The following DACH2 variants were observed in gnomAD, a reference collection of about 807,000 sequenced individuals.
The protein encoded by DACH2 is dachshund family transcription factor 2.
DACH2 carries 17 observed loss-of-function variants against 35.8 expected under a neutral mutation model. The ratio of observed to expected loss-of-function variants is 0.48; its 90% CI spans 0.33 to 0.71. DACH2 has a LOEUF of 0.71. Among genes scored for constraint, DACH2 ranks in the 30% least tolerant of loss-of-function variants. The pLI, the probability that DACH2 is intolerant of heterozygous loss-of-function variation, is 0.02. For synonymous variants in DACH2, 195 were observed against 177.3 expected, an observed-to-expected ratio of 1.10 and a Z score of -0.79; for missense variants, 469 against 472.7, an observed-to-expected ratio of 0.99 and a Z score of 0.07.
intron 1 of DACH2, among the ~76,000 whole-genome samples, chrX:86,209,918 C>T (rs535947263): frequency 6.2e-4 from 69 of 111,703 alleles, no homozygotes; most frequent in South Asian, 1.5e-3. Flanking sequence ...AGAAGATGAT[C>T]TCAGCATTCA....
At chrX:86,610,575 T>G (rs929539905) in intron 3 of DACH2, among the ~76,000 whole-genome samples, 24 of 109,018 alleles carry the variant, frequency 2.2e-4, no homozygotes, top group Non-Finnish European at 7.6e-5. Flanking sequence ...TAGCTGGGAC[T>G]ACAGGTTGTG....
At chrX:86,776,068 T>G (rs1256670339) in intron 7 of DACH2, among the ~76,000 whole-genome samples, 2 of 111,497 alleles carry the variant, frequency 1.8e-5, no homozygotes, top group Non-Finnish European at 3.8e-5. Context: ...TTTTCCAGAC[T>G]ATCTGTCATA....
At position 86,759,513 on chromosome X, in the gene DACH2, A is replaced by G. The variant is rs143510591; in HGVS notation, c.1240+19631A>G. On this transcript the variant is annotated intron_variant, in intron 7 of 11. Transcript: ENST00000373125. ...TTACTTTTAGTCTGTGTATGTGTTT[A>G]CAGGTGAGATGAGTTTCTCATAGGC... is the stretch of plus-strand genomic sequence containing the variant. Among the ~76,000 whole-genome samples, 12 of 108,104 alleles carry G rather than the reference A, an allele frequency of 1.1e-4. No homozygotes were observed. In the East Asian group the frequency reaches 3.2e-3, roughly 29 times the overall value. The allele number at this position is 108,104 out of a possible 115,157, so 93.9% of individuals were successfully genotyped here. A position where few individuals can be genotyped will look rare whatever the true frequency, so the allele number is the denominator to read the frequency against.
At chrX:86,686,256 C>T (rs772706498) in intron 4 of DACH2, among the ~76,000 whole-genome samples, 23 of 110,358 alleles carry the variant, frequency 2.1e-4, no homozygotes, top group Non-Finnish European at 3.0e-4. Flanking sequence ...TTTTTTGAGA[C>T]GGAGTCTCAC....
chrX:86,606,558 A>T (rs1441000549), intron 3 of DACH2, among the ~76,000 whole-genome samples: 1 of 111,015 alleles, frequency 9.0e-6, no homozygotes, highest in Non-Finnish European at 1.9e-5. Flanking sequence ...AAGATACTTG[A>T]TATTATTACA....
intron 1 of DACH2, among the ~76,000 whole-genome samples, chrX:86,261,357 T>C (rs2033621355): frequency 8.9e-6 from 1 of 111,768 alleles, no homozygotes; most frequent in Non-Finnish European, 1.9e-5. Context: ...TAGTGAAAAA[T>C]AAAGTCATAG....
chrX:86,338,529 G>T (rs971714640), intron 1 of DACH2, among the ~76,000 whole-genome samples: 5 of 111,967 alleles, frequency 4.5e-5, no homozygotes, highest in African/African-American at 1.6e-4. Flanking sequence ...TGAGAACAAA[G>T]ACACAACATA....
chrX:86,176,627 A>T (rs963510422), intron 1 of DACH2, among the ~76,000 whole-genome samples: 4 of 111,915 alleles, frequency 3.6e-5, no homozygotes, highest in Non-Finnish European at 7.5e-5. Flanking sequence ...GTTGGAATTA[A>T]GAACTCTGAG....
chrX:86,303,184 G>A (rs1344987016), intron 1 of DACH2, among the ~76,000 whole-genome samples: 1 of 106,544 alleles, frequency 9.4e-6, no homozygotes, highest in African/African-American at 3.4e-5. Context: ...GGAATCAGGA[G>A]ACTTGAATTT....
chrX:86,525,849 T>C (rs763919534), intron 3 of DACH2, among the ~76,000 whole-genome samples: 4 of 111,572 alleles, frequency 3.6e-5, no homozygotes, highest in African/African-American at 6.5e-5. Context: ...GTCTATTGGA[T>C]TATAAAAAGA....
chrX:86,316,991 G>T (rs1333412537), intron 1 of DACH2, among the ~76,000 whole-genome samples: 1 of 109,197 alleles, frequency 9.2e-6, no homozygotes, highest in Non-Finnish European at 1.9e-5. Context: ...TGTGGTGGGT[G>T]CCTGTAATCC....
At chrX:86,235,069 C>G (rs1404212168) in intron 1 of DACH2, among the ~76,000 whole-genome samples, 1 of 111,658 alleles carries the variant, frequency 9.0e-6, no homozygotes, top group Non-Finnish European at 1.9e-5. Flanking sequence ...GGCAGTTTCT[C>G]AGATTTGCCT....
intron 3 of DACH2, among the ~76,000 whole-genome samples, chrX:86,516,528 T>A (rs1020536213): frequency 2.7e-5 from 3 of 111,434 alleles, no homozygotes; most frequent in Non-Finnish European, 5.7e-5. Flanking sequence ...AGGTAAACAA[T>A]CTATGGCTCC....
At chrX:86,714,482 T>A in intron 5 of DACH2, 66 bp from the exon 6 acceptor site, 1 of 963,587 alleles carries the variant, frequency 1.0e-6, no homozygotes, top group East Asian at 3.2e-5. Context: ...TGAATTTAGG[T>A]ACTTTTTAAC....
intron 1 of DACH2, among the ~76,000 whole-genome samples, chrX:86,219,816 A>C (rs1414639485): frequency 9.1e-6 from 1 of 109,712 alleles, no homozygotes; most frequent in Non-Finnish European, 1.9e-5. Context: ...TGCACCCATG[A>C]AAACATAACT....
intron 1 of DACH2, among the ~76,000 whole-genome samples, chrX:86,331,430 A>G (rs956433202): frequency 7.2e-5 from 8 of 110,688 alleles, no homozygotes; most frequent in Admixed American, 2.9e-4. Flanking sequence ...AGAATATTAA[A>G]TACACTAAAT....
intron 1 of DACH2, among the ~76,000 whole-genome samples, chrX:86,201,972 C>G (rs2032168244): frequency 9.0e-6 from 1 of 111,291 alleles, no homozygotes; most frequent in African/African-American, 3.3e-5. Context: ...GCCTTACTTG[C>G]TTCCCTAAGT....
intron 2 of DACH2, among the ~76,000 whole-genome samples, chrX:86,423,221 C>T (rs1042830988): frequency 9.0e-6 from 1 of 110,931 alleles, no homozygotes; most frequent in Non-Finnish European, 1.9e-5. Flanking sequence ...GTAGCTCAAT[C>T]TGTAGTTTTG....
intron 1 of DACH2, among the ~76,000 whole-genome samples, chrX:86,201,342 G>T (rs2032151221): frequency 9.1e-6 from 1 of 109,972 alleles, no homozygotes; most frequent in South Asian, 4.0e-4. Context: ...TGGGTACTAG[G>T]ATTAATACCT....
Sources: gnomAD v4.1 joint callset for allele counts (sites outside exome capture counted in the v4.1 genomes callset) on GRCh38, gnomAD v4.1.1 for gene constraint, MANE v1.5 for transcripts, NCBI Gene and HGNC (gene_info 2026-07-23, HGNC 2026-07-21) for gene names.